LHFPL3: variants seen among roughly 807,000 people sequenced by gnomAD.
LHFPL3 encodes the protein LHFPL tetraspan subfamily member 3 protein.
Under a neutral mutation model 19.3 loss-of-function variants are expected in LHFPL3, and 5 were observed. That is an observed-to-expected ratio of 0.26 (90% CI 0.14 to 0.54). The LOEUF is 0.54. Among genes scored for constraint, LHFPL3 ranks in the 20% least tolerant of loss-of-function variants. LHFPL3 has a pLI of 0.94. For missense variants in LHFPL3, 249 were observed against 307.4 expected (o/e 0.81, Z 1.42); for synonymous variants, 133 against 126.2 (o/e 1.05, Z -0.36).
chr7:104,496,860 C>A (rs1429223054), intron 1 of LHFPL3, among the ~76,000 whole-genome samples: 1 of 152,146 alleles, frequency 6.6e-6, no homozygotes, highest in Non-Finnish European at 1.5e-5. Flanking sequence ...TTTGTGGGAT[C>A]CCTTCCTCCC....
intron 2 of LHFPL3, among the ~76,000 whole-genome samples, chr7:104,781,318 C>T (rs1794711793): frequency 6.6e-6 from 1 of 152,122 alleles, no homozygotes; most frequent in Admixed American, 6.5e-5. Context: ...ATAAAGTAGC[C>T]CATCACCTTA....
chr7:104,901,549 G>A (rs983347306), intron 2 of LHFPL3, among the ~76,000 whole-genome samples: 4 of 110,768 alleles, frequency 3.6e-5, no homozygotes, highest in Non-Finnish European at 7.5e-5. Context: ...TACCTAGGGG[G>A]CAAGCTTTTT....
intron 1 of LHFPL3, among the ~76,000 whole-genome samples, chr7:104,648,942 C>G (rs1202074037): frequency 6.6e-6 from 1 of 152,226 alleles, no homozygotes; most frequent in Non-Finnish European, 1.5e-5. Context: ...CCATCCAACA[C>G]AAACCATAGG....
chr7:104,600,508 T>C (rs1023935073), intron 1 of LHFPL3, among the ~76,000 whole-genome samples: 4 of 152,238 alleles, frequency 2.6e-5, no homozygotes, highest in Non-Finnish European at 4.4e-5. Context: ...AAGTTGATGA[T>C]GGTAATGACA....
chr7:104,630,466 G>GA (rs961238652), intron 1 of LHFPL3, among the ~76,000 whole-genome samples: 5 of 151,838 alleles, frequency 3.3e-5, no homozygotes, highest in East Asian at 1.9e-4. Flanking sequence ...GTACTGACAA[G>GA]AAAAAAAATA....
intron 1 of LHFPL3, among the ~76,000 whole-genome samples, chr7:104,716,905 C>G (rs1236226941): frequency 6.6e-6 from 1 of 152,184 alleles, no homozygotes; most frequent in East Asian, 1.9e-4. Flanking sequence ...AGACATCATA[C>G]TTCCTGATTT....
intron 1 of LHFPL3, among the ~76,000 whole-genome samples, chr7:104,412,227 T>A (rs1286376255): frequency 6.6e-6 from 1 of 151,748 alleles, no homozygotes. Flanking sequence ...CTCACAGCAA[T>A]CCCTTGAGGG....
intron 1 of LHFPL3, among the ~76,000 whole-genome samples, chr7:104,590,212 C>T (rs1485382253): frequency 6.6e-6 from 1 of 152,044 alleles, no homozygotes; most frequent in African/African-American, 2.4e-5. Flanking sequence ...GTTAGGGTGT[C>T]AATTTTAGAT....
In LHFPL3 at chr7:104,409,078, G is replaced by A. The variant is rs1324423813; in HGVS notation, c.445+79854G>A. ...TTTTTAGTAGAGACGGGGTTTCACCGTGTTAGCCAAGATGGTCTCGGTCTC... is the reference window on the plus strand; with the variant it reads ...TTTTTAGTAGAGACGGGGTTTCACCATGTTAGCCAAGATGGTCTCGGTCTC... On this transcript the variant is annotated intron_variant, in intron 1 of 2. Coordinates refer to ENST00000424859, the MANE Select transcript of LHFPL3 (RefSeq NM_199000.3). Among the ~76,000 whole-genome samples the A allele has an allele frequency of 8.2e-5, 12 of 146,324 alleles. No homozygotes were observed. In the South Asian group the frequency reaches 1.1e-3, roughly 13 times the overall value.
chr7:104,836,360 T>G (rs1423020713), intron 2 of LHFPL3, among the ~76,000 whole-genome samples: 1 of 152,146 alleles, frequency 6.6e-6, no homozygotes, highest in Non-Finnish European at 1.5e-5. Context: ...TGATTTACAT[T>G]TTTAAAGGTA....
chr7:104,832,348 C>G (rs1015956335), intron 2 of LHFPL3, among the ~76,000 whole-genome samples: 1 of 151,910 alleles, frequency 6.6e-6, no homozygotes, highest in Non-Finnish European at 1.5e-5. Context: ...CCTGGTTTTG[C>G]TCCCAGATAC....
At chr7:104,501,043 T>C (rs551160470) in intron 1 of LHFPL3, among the ~76,000 whole-genome samples, 1 of 152,312 alleles carries the variant, frequency 6.6e-6, no homozygotes, top group Admixed American at 6.5e-5. Context: ...GGTATTTACC[T>C]CTTGCCTCTG....
chr7:104,490,868 C>G (rs938928198), intron 1 of LHFPL3, among the ~76,000 whole-genome samples: 1 of 152,132 alleles, frequency 6.6e-6, no homozygotes, highest in Non-Finnish European at 1.5e-5. Flanking sequence ...TGGGTGCCAC[C>G]TCTTTTTTTC....
At chr7:104,538,405 G>T (rs1794427251) in intron 1 of LHFPL3, among the ~76,000 whole-genome samples, 1 of 152,198 alleles carries the variant, frequency 6.6e-6, no homozygotes, top group Non-Finnish European at 1.5e-5. Context: ...CTGCCTCTTA[G>T]AGGTCTTATG....
At chr7:104,654,841 C>A (rs1374530091) in intron 1 of LHFPL3, among the ~76,000 whole-genome samples, 1 of 152,168 alleles carries the variant, frequency 6.6e-6, no homozygotes, top group East Asian at 1.9e-4. Context: ...CCCACCAGCC[C>A]CTTCCTCTAG....
At chr7:104,586,137 A>T (rs1398691358) in intron 1 of LHFPL3, among the ~76,000 whole-genome samples, 5 of 152,172 alleles carry the variant, frequency 3.3e-5, no homozygotes, top group African/African-American at 4.8e-5. Context: ...AACCATGAAA[A>T]TAAAATTCAC....
intron 1 of LHFPL3, among the ~76,000 whole-genome samples, chr7:104,335,164 G>T (rs945976060): frequency 4.6e-5 from 7 of 151,730 alleles, no homozygotes; most frequent in Non-Finnish European, 1.0e-4. Context: ...ACAATCATCT[G>T]TCCTTACCCT....
intron 1 of LHFPL3, among the ~76,000 whole-genome samples, chr7:104,345,285 A>G (rs1452314930): frequency 1.3e-5 from 2 of 152,118 alleles, no homozygotes; most frequent in African/African-American, 2.4e-5. Flanking sequence ...AAGTTTTGTT[A>G]TTGCCTTTTT....
At chr7:104,523,562 C>G (rs983505245) in intron 1 of LHFPL3, among the ~76,000 whole-genome samples, 1 of 152,168 alleles carries the variant, frequency 6.6e-6, no homozygotes, top group African/African-American at 2.4e-5. Flanking sequence ...TTCTGTCCTT[C>G]TAGTCTATAG....
Sources: allele counts gnomAD v4.1 joint callset (sites outside exome capture counted in the v4.1 genomes callset), GRCh38; gene constraint gnomAD v4.1.1; transcripts MANE v1.5; gene names NCBI Gene and HGNC (gene_info 2026-07-23, HGNC 2026-07-21).